TOX: variants seen among roughly 807,000 people sequenced by gnomAD.
TOX encodes the protein thymocyte selection associated high mobility group box, also known as thymocyte selection-associated high mobility group box protein TOX.
TOX carries 11 observed loss-of-function variants against 53.7 expected under a neutral mutation model. The observed-to-expected ratio is 0.20, with a 90% CI of 0.13 to 0.34. The LOEUF is 0.34. Among genes scored for constraint, TOX ranks in the 10% least tolerant of loss-of-function variants. The pLI, the probability that TOX is intolerant of heterozygous loss-of-function variation, is 1.00. For missense variants in TOX, 570 were observed against 664.6 expected (o/e 0.86, Z 1.56); for synonymous variants, 225 against 245.3 (o/e 0.92, Z 0.77).
chr8:59,023,695 T>G (rs1311366715), intron 1 of TOX, among the ~76,000 whole-genome samples: 2 of 152,344 alleles, frequency 1.3e-5, no homozygotes, highest in East Asian at 3.9e-4. Flanking sequence ...AGTAAATGCA[T>G]TTCACTTCTC....
chr8:58,940,934 T>C (rs1023093289), intron 2 of TOX, among the ~76,000 whole-genome samples: 5 of 152,184 alleles, frequency 3.3e-5, no homozygotes, highest in Admixed American at 2.0e-4. Flanking sequence ...TTGGAACATC[T>C]GGAATTTAGA....
intron 1 of TOX, among the ~76,000 whole-genome samples, chr8:59,007,109 T>C (rs1397502025): frequency 6.6e-6 from 1 of 152,196 alleles, no homozygotes. Flanking sequence ...CAATAGTGTA[T>C]TTCCAGGACT....
At chr8:59,066,712 T>C (rs901442501) in intron 1 of TOX, among the ~76,000 whole-genome samples, 1 of 152,220 alleles carries the variant, frequency 6.6e-6, no homozygotes, top group African/African-American at 2.4e-5. Context: ...AACTGTAGTA[T>C]GAAGGCCATT....
rs1280795688 is a variant in TOX, at chr8:58,998,574, TATA to T, written c.103-38569_103-38567del. ...ATAATAAATTTATGTAATAAATGTA[TATA>T]TAATAAATTTATATGTAATAAATTT... On this transcript the variant is annotated intron_variant, in intron 1 of 8. Transcript: ENST00000361421. 4.5e-3 allele frequency among the ~76,000 whole-genome samples: 513 copies of T among 114,950 alleles called. 7 individuals carry two copies. Among genetic ancestry groups the T allele is most frequent in the African/African-American group, 0.018 (491 of 27,512 alleles). 75.4% of individuals were successfully genotyped at this position (114,950 alleles called of 152,430 possible). A position where few individuals can be genotyped will look rare whatever the true frequency, so the allele number is the denominator to read the frequency against.
Position 59,119,136 on chromosome 8 carries a change from TAAG to T in TOX, c.-152_-150del, listed in dbSNP as rs1370858928. ...CCCTCACATCCGTTTGTGGTTTGTT[TAAG>T]AAGAAGAGGAAAAAAAAAAAAAAGA... On this transcript the variant is annotated 5_prime_UTR_variant, in exon 1 of 9. Coordinates refer to ENST00000361421, the MANE Select transcript of TOX (RefSeq NM_014729.3). The T allele has an allele frequency of 4.0e-5, 19 of 474,454 alleles. No homozygotes were observed. The highest frequency in any genetic ancestry group is 1.1e-4 in the African/African-American group (5 of 47,452). The allele number at this position is 474,454 out of a possible 1,614,324, so 29.4% of individuals were successfully genotyped here.
Position 58,815,395 on chromosome 8 carries a change from A to G in TOX, c.1335T>C (p.Leu445=), listed in dbSNP as rs1214298019. ...GGACCTGCATGGGGAGCTGGTTCCC[A>G]AGGGGCTGCTGCATGGTGAGCGGCT... ...QHQPLTMQQP[L]GNQLPMQVQS... is the part of the protein sequence containing the mutation. Residue 445 remains leucine (L), a synonymous_variant, in exon 7 of 9, where the codon CTT becomes CTC. Coordinates refer to ENST00000361421, the MANE Select transcript of TOX (RefSeq NM_014729.3). 6.2e-7 allele frequency: 1 copy of G among 1,613,394 alleles called. No individual in the cohort carries two copies. Among genetic ancestry groups the G allele is most frequent in the Non-Finnish European group, 8.5e-7 (1 of 1,179,694 alleles).
At chr8:59,087,837 T>C (rs1250920492) in intron 1 of TOX, among the ~76,000 whole-genome samples, 2 of 152,184 alleles carry the variant, frequency 1.3e-5, no homozygotes, top group African/African-American at 4.8e-5. Context: ...ATAGCCAGGA[T>C]CTAATTTTGC....
chr8:58,998,519 A>AAACT (rs1304925640), intron 1 of TOX, among the ~76,000 whole-genome samples: 1 of 120,962 alleles, frequency 8.3e-6, no homozygotes, highest in African/African-American at 3.4e-5. Context: ...ATATATATAT[A>AAACT]TATATATATA....
intron 6 of TOX, among the ~76,000 whole-genome samples, chr8:58,820,086 T>C (rs1007932526): frequency 8.5e-5 from 13 of 152,162 alleles, no homozygotes; most frequent in Non-Finnish European, 1.8e-4. Flanking sequence ...CATTTGCAAA[T>C]TCAGACTCAA....
chr8:58,817,019 C>A (rs757325487), intron 6 of TOX, among the ~76,000 whole-genome samples: 1 of 151,998 alleles, frequency 6.6e-6, no homozygotes, highest in South Asian at 2.1e-4. Context: ...CCTGGGGTGA[C>A]GGGGACAGGC....
intron 1 of TOX, among the ~76,000 whole-genome samples, chr8:58,978,686 A>G (rs1276731475): frequency 6.6e-6 from 1 of 152,190 alleles, no homozygotes; most frequent in Non-Finnish European, 1.5e-5. Context: ...CTCCCCCACT[A>G]TAAACATGGT....
chr8:59,071,371 C>T (rs1015468060), intron 1 of TOX, among the ~76,000 whole-genome samples: 4 of 152,212 alleles, frequency 2.6e-5, no homozygotes, highest in African/African-American at 9.6e-5. Flanking sequence ...ATATGGAATG[C>T]TCTCCACTCA....
chr8:58,977,879 A>G (rs936900650), intron 1 of TOX, among the ~76,000 whole-genome samples: 1 of 152,214 alleles, frequency 6.6e-6, no homozygotes, highest in Admixed American at 6.5e-5. Context: ...GATTACCATG[A>G]CAGATATAAT....
At chr8:59,002,243 G>T (rs1585955889) in intron 1 of TOX, among the ~76,000 whole-genome samples, 2 of 147,560 alleles carry the variant, frequency 1.4e-5, no homozygotes, top group African/African-American at 5.0e-5. Flanking sequence ...CAAAGTGCTG[G>T]GATTACAGGT....
Position 59,118,092 on chromosome 8 carries a change from C to T in TOX, c.102+794G>A, listed in dbSNP as rs1480340006. Reference sequence around the variant, plus strand: ...GGGTCACCGGCATGATCCGCCTCTCCCCGGGCCCCCGCGGCCCTGGCACCC... The same window carrying T: ...GGGTCACCGGCATGATCCGCCTCTCTCCGGGCCCCCGCGGCCCTGGCACCC... On this transcript the variant is annotated intron_variant, in intron 1 of 8. Transcript: ENST00000361421. This position sits in a 1 kb window ranked among gnomAD's most constrained non-coding sequence, Gnocchi z 4.1. Among the ~76,000 whole-genome samples, 2 of 152,210 alleles carry T rather than the reference C, an allele frequency of 1.3e-5. No individual in the cohort carries two copies. The highest frequency in any genetic ancestry group is 2.9e-5 in the Non-Finnish European group (2 of 68,024).
At chr8:59,099,256 T>A (rs889637007) in intron 1 of TOX, among the ~76,000 whole-genome samples, 1 of 152,192 alleles carries the variant, frequency 6.6e-6, no homozygotes, top group African/African-American at 2.4e-5. Flanking sequence ...AAGAGAAAGA[T>A]GAGAATTAAG....
rs1805154897 is a variant in TOX, at chr8:59,118,770, C to G, written c.102+116G>C. 1 of 584,214 alleles carries G rather than the reference C, an allele frequency of 1.7e-6. No homozygotes were observed. Among genetic ancestry groups the G allele is most frequent in the Middle Eastern group, 5.0e-4 (1 of 1,990 alleles). The allele number at this position is 584,214 out of a possible 1,614,324, so 36.2% of individuals were successfully genotyped here. A position where few individuals can be genotyped will look rare whatever the true frequency, so the allele number is the denominator to read the frequency against. ...ACGCAGGCTGCAGCGGGCTGCGAGCCGAGCGCGCCCGGGACCGGCCTCCGC... is the reference window on the plus strand; with the variant it reads ...ACGCAGGCTGCAGCGGGCTGCGAGCGGAGCGCGCCCGGGACCGGCCTCCGC... On this transcript the variant is annotated intron_variant, in intron 1 of 8. Coordinates refer to ENST00000361421, the MANE Select transcript of TOX (RefSeq NM_014729.3). The surrounding 1 kb of genome is among the most constrained non-coding windows in gnomAD (Gnocchi z 4.1).
At chr8:58,811,797 A>C (rs1281817348) in intron 7 of TOX, among the ~76,000 whole-genome samples, 1 of 152,226 alleles carries the variant, frequency 6.6e-6, no homozygotes, top group African/African-American at 2.4e-5. Context: ...GCAGAAGAAA[A>C]GAAAGAAAAC....
chr8:58,865,376 T>G (rs1811079125), intron 3 of TOX, among the ~76,000 whole-genome samples: 1 of 152,192 alleles, frequency 6.6e-6, no homozygotes, highest in Non-Finnish European at 1.5e-5. Context: ...TGTCCAAATA[T>G]TCTCAGAAAA....
Sources: allele counts gnomAD v4.1 joint callset (sites outside exome capture counted in the v4.1 genomes callset), GRCh38; gene constraint gnomAD v4.1.1; non-coding constraint Gnocchi (gnomAD v3.1); transcripts MANE v1.5; gene names NCBI Gene and HGNC (gene_info 2026-07-23, HGNC 2026-07-21).